The following FRY variants were observed in gnomAD, a reference collection of about 807,000 sequenced individuals.
The protein encoded by FRY is FRY microtubule binding protein.
A neutral mutation model predicts 348.4 loss-of-function variants in FRY; 128 were observed. The ratio of observed to expected loss-of-function variants is 0.37; its 90% CI spans 0.32 to 0.43. The LOEUF (loss-of-function observed/expected upper bound fraction) is 0.43, where lower values mean the gene tolerates loss of function less well. Among genes scored for constraint, FRY ranks in the 20% least tolerant of loss-of-function variants. FRY has a pLI of 1.00. For missense variants in FRY, 2,736 were observed against 3,695.2 expected (o/e 0.74, Z 6.73); for synonymous variants, 1,370 against 1,374.7 (o/e 1.00, Z 0.08).
chr13:32,043,853 G>T (rs1273158196), intron 1 of FRY, among the ~76,000 whole-genome samples: 2 of 152,114 alleles, frequency 1.3e-5, no homozygotes, highest in African/African-American at 2.4e-5. Flanking sequence ...AAAAAAGAAA[G>T]CAAATTATAA....
chr13:32,131,387 C>T (rs1879351377), intron 7 of FRY, among the ~76,000 whole-genome samples: 1 of 152,134 alleles, frequency 6.6e-6, no homozygotes, highest in South Asian at 2.1e-4. Flanking sequence ...TTGTGATGCT[C>T]AATTTAAGAG....
intron 55 of FRY, among the ~76,000 whole-genome samples, chr13:32,269,085 G>T (rs527428867): frequency 6.6e-6 from 1 of 152,230 alleles, no homozygotes; most frequent in South Asian, 2.1e-4. Flanking sequence ...AATTTAGTTG[G>T]ACTGAGGGAA....
chr13:32,225,903 A>T lies in FRY; in HGVS notation c.5135A>T (p.Gln1712Leu). ...NFHSIASVLL[Q>L]TREMGEAKTL... Reference sequence around the variant, plus strand: ...CATTCCATTGCTTCCGTGCTCCTGCAGACCCGAGAGATGGGTGAAGCTAAG... The same window carrying T: ...CATTCCATTGCTTCCGTGCTCCTGCTGACCCGAGAGATGGGTGAAGCTAAG... Residue 1712 changes from glutamine (Q) to leucine (L), a missense_variant, in exon 39 of 61, where the codon CAG (glutamine) becomes CTG (leucine). Around this residue, in one of 9 missense-constraint regions of FRY, gnomAD observed 794 missense variants for 977.0 expected, o/e 0.81. Coordinates refer to ENST00000542859, the MANE Select transcript of FRY (RefSeq NM_023037.3). The T allele has an allele frequency of 6.2e-7, 1 of 1,614,186 alleles. No homozygotes were observed. Among genetic ancestry groups the T allele is most frequent in the South Asian group, 1.1e-5 (1 of 91,086 alleles).
At position 32,286,747 on chromosome 13, in the gene FRY, C is replaced by CAAAA. The variant is rs6144991; in HGVS notation, c.8470-2852_8470-2849dup. ...GGGGAGACAGAGCAAGACTCTGTCT[C>CAAAA]AAAAAAAAAAAAAAAAAAAAAAAAA... On this transcript the variant is annotated intron_variant, in intron 58 of 60. Coordinates refer to ENST00000542859, the MANE Select transcript of FRY (RefSeq NM_023037.3). Among the ~76,000 whole-genome samples, 3 of 77,492 alleles carry CAAAA rather than the reference C, an allele frequency of 3.9e-5. 1 individual carries two copies. The highest frequency in any genetic ancestry group is 5.0e-4 in the South Asian group (1 of 1,986). 50.8% of individuals were successfully genotyped at this position (77,492 alleles called of 152,430 possible).
intron 11 of FRY, among the ~76,000 whole-genome samples, chr13:32,140,541 C>T (rs1020323620): frequency 6.6e-6 from 1 of 151,754 alleles, no homozygotes; most frequent in African/African-American, 2.4e-5. Context: ...TCTCTTAGAC[C>T]TTGTAATTTA....
chr13:32,278,431 A>G (rs1888645787), intron 57 of FRY, 34 bp from the exon 58 acceptor site: 1 of 1,118,334 alleles, frequency 8.9e-7, no homozygotes, highest in Middle Eastern at 2.0e-4. Context: ...AACATTGCTG[A>G]ATTTACCTAT....
At chr13:32,261,229 A>T (rs1393114464) in intron 51 of FRY, among the ~76,000 whole-genome samples, 1 of 152,194 alleles carries the variant, frequency 6.6e-6, no homozygotes, top group East Asian at 1.9e-4. Context: ...ACAGTACTAA[A>T]CAGGGGCCGA....
chr13:32,250,136 A>G (rs535104510), intron 49 of FRY, among the ~76,000 whole-genome samples: 78 of 152,306 alleles, frequency 5.1e-4, no homozygotes, highest in African/African-American at 1.8e-3. Context: ...CATGGTGTCC[A>G]TGCACGGGCT....
chr13:32,043,290 C>A (rs1403346450), intron 1 of FRY, among the ~76,000 whole-genome samples: 1 of 152,158 alleles, frequency 6.6e-6, no homozygotes, highest in African/African-American at 2.4e-5. Context: ...GAGTACAATT[C>A]AAGATGAGAT....
chr13:32,166,999 C>T (rs976911003), intron 17 of FRY, among the ~76,000 whole-genome samples: 1 of 151,858 alleles, frequency 6.6e-6, no homozygotes, highest in Admixed American at 6.6e-5. Flanking sequence ...CCTGGGGCTC[C>T]AAGAGTCCTG....
At chr13:32,057,982 T>G (rs1272245949) in intron 1 of FRY, among the ~76,000 whole-genome samples, 1 of 151,822 alleles carries the variant, frequency 6.6e-6, no homozygotes, top group Non-Finnish European at 1.5e-5. Flanking sequence ...ATAAATAAAA[T>G]TTACCGTCTT....
At chr13:32,292,924 G>A (rs1253367744) in intron 59 of FRY, among the ~76,000 whole-genome samples, 1 of 152,268 alleles carries the variant, frequency 6.6e-6, no homozygotes, top group South Asian at 2.1e-4. Context: ...TTAACATTAA[G>A]GCAAGATCCT....
chr13:32,290,550 A>G (rs553306171), intron 59 of FRY, among the ~76,000 whole-genome samples: 1 of 152,266 alleles, frequency 6.6e-6, no homozygotes, highest in African/African-American at 2.4e-5. Context: ...AGGTGCACCA[A>G]AAAAGAGCTA....
Position 32,178,972 on chromosome 13 carries a change from G to C in FRY, c.2810G>C (p.Arg937Thr). The change falls in exon 22 of 61, where the codon AGA becomes ACA. Residue 937 changes from arginine to threonine, a missense_variant. By Grantham distance (71) the Arg-to-Thr change is moderately conservative. Around this residue, in one of 9 missense-constraint regions of FRY, gnomAD observed 449 missense variants for 576.9 expected, o/e 0.78. Transcript: ENST00000542859. ...KPSIMSPGHL[R>T]ASTPEIMATT... is the part of the protein sequence containing the mutation. ...AGTATTATGAGCCCAGGACACTTAA[G>C]AGCTTCCACTCCAGAAATAATGGCG... 8 of 1,613,934 alleles carry C rather than the reference G, an allele frequency of 5.0e-6. No individual in the cohort carries two copies. Among genetic ancestry groups the C allele is most frequent in the Non-Finnish European group, 5.9e-6 (7 of 1,179,862 alleles).
chr13:32,124,216 T>C, intron 4 of FRY, 70 bp from the exon 5 acceptor site: 3 of 964,230 alleles, frequency 3.1e-6, no homozygotes, highest in Non-Finnish European at 5.0e-6. Flanking sequence ...GAGTCCTAGA[T>C]TTTTTATGAA....
intron 14 of FRY, among the ~76,000 whole-genome samples, chr13:32,154,334 G>T (rs2138155939): frequency 6.6e-6 from 1 of 152,222 alleles, no homozygotes; most frequent in Middle Eastern, 3.4e-3. Context: ...AGTACACATT[G>T]AATTGCTTAT....
rs2072095284 is a variant in FRY, at chr13:32,298,304, C to T, written c.*2844C>T. On this transcript the variant is annotated 3_prime_UTR_variant, in exon 61 of 61. Coordinates refer to ENST00000542859, the MANE Select transcript of FRY (RefSeq NM_023037.3). ...GCTTACACGTGCTTCCTGATGCCTG[C>T]CTTAACAACAAAAAATTCGTGTCCA... 1 of 152,158 alleles carries T rather than the reference C, an allele frequency of 6.6e-6. No homozygotes were observed. The highest frequency in any genetic ancestry group is 1.9e-4 in the East Asian group (1 of 5,200). The allele number at this position is 152,158 out of a possible 1,614,324, so 9.4% of individuals were successfully genotyped here. A position where few individuals can be genotyped will look rare whatever the true frequency, so the allele number is the denominator to read the frequency against.
intron 55 of FRY, among the ~76,000 whole-genome samples, chr13:32,269,054 A>C (rs1052811022): frequency 6.6e-6 from 1 of 152,212 alleles, no homozygotes; most frequent in Non-Finnish European, 1.5e-5. Context: ...TCTGTTGAGT[A>C]GCTCATGGAA....
chr13:32,180,526 T>A (rs936270626), intron 23 of FRY, among the ~76,000 whole-genome samples: 1 of 152,002 alleles, frequency 6.6e-6, no homozygotes, highest in African/African-American at 2.4e-5. Context: ...TGAGCCACCA[T>A]GCCCGGCTTC....
Sources: allele counts gnomAD v4.1 joint callset (sites outside exome capture counted in the v4.1 genomes callset), GRCh38; gene constraint gnomAD v4.1.1; regional missense constraint gnomAD v4.1.1; transcripts MANE v1.5; gene names NCBI Gene and HGNC (gene_info 2026-07-23, HGNC 2026-07-21).